ZNF717: variants seen among roughly 807,000 people sequenced by gnomAD.
ZNF717 encodes the protein zinc finger protein 717.
Under a neutral mutation model 13.8 loss-of-function variants are expected in ZNF717, and 9 were observed. The ratio of observed to expected loss-of-function variants is 0.65; its 90% confidence interval spans 0.39 to 1.14. The LOEUF (loss-of-function observed/expected upper bound fraction) is 1.14, where lower values mean the gene tolerates loss of function less well. Ranked by LOEUF, ZNF717 falls within the 50% of genes most tolerant of loss-of-function variation. The pLI is 0.01. For missense variants in ZNF717, 1,040 were observed against 1,080.7 expected (o/e 0.96, Z 0.53); for synonymous variants, 327 against 364.1 (o/e 0.90, Z 1.16).
chr3:75,760,420 ATG>A (rs1438419216), intron 2 of ZNF717, among the ~76,000 whole-genome samples: 16 of 152,268 alleles, frequency 1.1e-4, no homozygotes, highest in African/African-American at 3.1e-4. Context: ...ACAATTCATT[ATG>A]TGTTTCATTA....
intron 2 of ZNF717, among the ~76,000 whole-genome samples, chr3:75,779,073 T>C (rs1054755922): frequency 1.4e-5 from 2 of 144,064 alleles, no homozygotes; most frequent in South Asian, 4.4e-4. Context: ...CCCAAAACAA[T>C]GGGAGTGACC....
At chr3:75,767,195 G>A (rs1408998310) in intron 2 of ZNF717, among the ~76,000 whole-genome samples, 5 of 152,178 alleles carry the variant, frequency 3.3e-5, no homozygotes, top group Non-Finnish European at 7.3e-5. Flanking sequence ...GCCAGTCCAC[G>A]ACTAGCTACA....
intron 2 of ZNF717, among the ~76,000 whole-genome samples, chr3:75,777,498 G>A (rs1180497947): frequency 6.6e-6 from 1 of 151,860 alleles, no homozygotes; most frequent in African/African-American, 2.4e-5. Flanking sequence ...CAAAACAATG[G>A]GAGTGATGTG....
intron 2 of ZNF717, among the ~76,000 whole-genome samples, chr3:75,764,990 G>GATATATATATATAT (rs71101852): frequency 2.4e-3 from 243 of 102,134 alleles, no homozygotes; most frequent in Middle Eastern, 5.6e-3. Context: ...TAAACAAAAG[G>GATATATATATATAT]ATATATATAT....
intron 2 of ZNF717, among the ~76,000 whole-genome samples, chr3:75,776,097 A>C (rs1944297269): frequency 6.6e-6 from 1 of 152,270 alleles, no homozygotes; most frequent in Non-Finnish European, 1.5e-5. Context: ...GCTGGTATTC[A>C]AGAGGATGTA....
At chr3:75,773,634 A>G (rs114056911) in intron 2 of ZNF717, among the ~76,000 whole-genome samples, 7,070 of 79,552 alleles carry the variant, frequency 0.089, no homozygotes, top group Middle Eastern at 0.14. Context: ...CAACCCCTTG[A>G]ACAGCATCTT....
intron 2 of ZNF717, among the ~76,000 whole-genome samples, chr3:75,782,819 T>G (rs1265555604): frequency 6.6e-6 from 1 of 152,148 alleles, no homozygotes; most frequent in Non-Finnish European, 1.5e-5. Context: ...CCATTTCCAC[T>G]GCACAACACG....
At chr3:75,715,439 T>C (rs1389824956) in intron 5 of ZNF717, among the ~76,000 whole-genome samples, 1 of 152,180 alleles carries the variant, frequency 6.6e-6, no homozygotes, top group Non-Finnish European at 1.5e-5. Flanking sequence ...TACCTTAGAT[T>C]ATTGCTGTAA....
At chr3:75,764,768 A>G (rs554538733) in intron 2 of ZNF717, among the ~76,000 whole-genome samples, 31 of 152,080 alleles carry the variant, frequency 2.0e-4, no homozygotes, top group Non-Finnish European at 3.5e-4. Context: ...GTGCAGGTGA[A>G]ACTGAAACCC....
At chr3:75,732,093 A>C, downstream of ZNF717, 1 of 703,076 alleles carries the variant, frequency 1.4e-6, no homozygotes, top group South Asian at 1.5e-5. Flanking sequence ...TGTGGCAAAT[A>C]CCTGAGAAAA....
chr3:75,733,646 G>A (rs1938794708), downstream of ZNF717, among the ~76,000 whole-genome samples: 1 of 151,346 alleles, frequency 6.6e-6, no homozygotes, highest in African/African-American at 2.4e-5. Context: ...AGGCGTAGGG[G>A]TGGGAGCTCA....
At chr3:75,753,019 T>C (rs1210905174) in intron 2 of ZNF717, among the ~76,000 whole-genome samples, 2 of 150,562 alleles carry the variant, frequency 1.3e-5, no homozygotes, top group Non-Finnish European at 3.0e-5. Context: ...GTCTGAATGT[T>C]TATACCTCAC....
chr3:75,746,203 T>C (rs1217876665), intron 2 of ZNF717, among the ~76,000 whole-genome samples: 34 of 152,340 alleles, frequency 2.2e-4, no homozygotes, highest in African/African-American at 7.7e-4. Context: ...GGACATGAAC[T>C]TATCATTTTT....
downstream of ZNF717, among the ~76,000 whole-genome samples, chr3:75,727,183 G>T (rs111956560): frequency 6.6e-6 from 1 of 152,200 alleles, no homozygotes; most frequent in East Asian, 1.9e-4. Flanking sequence ...GATGTATGTC[G>T]CCTCAAGACC....
intron 6 of ZNF717, among the ~76,000 whole-genome samples, chr3:75,703,954 TACAAG>T (rs1281579000): frequency 1.3e-5 from 2 of 152,310 alleles, no homozygotes; most frequent in Non-Finnish European, 2.9e-5. Flanking sequence ...TCTGTGGCCA[TACAAG>T]ACATCTTCCA....
intron 2 of ZNF717, among the ~76,000 whole-genome samples, chr3:75,780,096 G>A (rs111594292): frequency 7.4e-5 from 11 of 149,320 alleles, no homozygotes; most frequent in African/African-American, 1.5e-4. Context: ...TGGGAGTGAC[G>A]TGCTAAGCCA....
At chr3:75,715,667 G>A (rs3009060) in intron 5 of ZNF717, among the ~76,000 whole-genome samples, 62,170 of 151,148 alleles carry the variant, frequency 0.41, 13,022 homozygotes, top group South Asian at 0.6. Context: ...TCATGAAGCT[G>A]TTGTAATTTA....
At chr3:75,703,376 A>G (rs1334390768) in intron 6 of ZNF717, among the ~76,000 whole-genome samples, 1 of 152,306 alleles carries the variant, frequency 6.6e-6, no homozygotes, top group Non-Finnish European at 1.5e-5. Context: ...CTAAAGATAC[A>G]AAAATGAGCT....
intron 4 of ZNF717, among the ~76,000 whole-genome samples, chr3:75,719,829 A>G (rs1356780232): frequency 6.6e-6 from 1 of 152,044 alleles, no homozygotes; most frequent in Non-Finnish European, 1.5e-5. Flanking sequence ...ATGGTGGTGC[A>G]TGTCTGTAAT....
Sources: gnomAD v4.1 joint callset for allele counts (sites outside exome capture counted in the v4.1 genomes callset) on GRCh38, gnomAD v4.1.1 for gene constraint, MANE v1.5 for transcripts, NCBI Gene and HGNC (gene_info 2026-07-23, HGNC 2026-07-21) for gene names.